The following SERPINB6 variants were observed in gnomAD, a reference collection of about 807,000 sequenced individuals.
The protein encoded by SERPINB6 is serpin B6.
SERPINB6 carries 16 observed loss-of-function variants against 26.1 expected under a neutral mutation model. The ratio of observed to expected loss-of-function variants is 0.61; its 90% CI spans 0.42 to 0.93. The LOEUF (loss-of-function observed/expected upper bound fraction) is 0.93, where lower values mean the gene tolerates loss of function less well. SERPINB6 is among the 40% of genes least tolerant of loss of function. The pLI is 0.00. For synonymous variants in SERPINB6, 174 were observed against 176.6 expected (o/e 0.99, Z 0.11); for missense variants, 420 against 478.0 (o/e 0.88, Z 1.13).
chr6:2,966,869 G>T, intron 1 of SERPINB6: 1 of 860,084 alleles, frequency 1.2e-6, no homozygotes, highest in Non-Finnish European at 1.4e-6. Context: ...GGCCGAGGCT[G>T]GTCCCAAACT....
At position 2,969,768 on chromosome 6, in the gene SERPINB6, ATG is replaced by A. The variant is rs141424938; in HGVS notation, c.-11+1763_-11+1764del. ...CCCTCTGTTTCCTTGTGCAGTGTGT[ATG>A]TGTGTGTGTGTGTGTGTTGTGTGTG... On this transcript the variant is annotated intron_variant, in intron 1 of 6. Coordinates refer to ENST00000380539, the MANE Select transcript of SERPINB6 (RefSeq NM_004568.6). The A allele has an allele frequency of 2.8e-3, 2,622 of 932,112 alleles. 17 individuals carry two copies. Among genetic ancestry groups the A allele is most frequent in the African/African-American group, 0.023 (1,271 of 56,002 alleles). The allele number at this position is 932,112 out of a possible 1,614,324, so 57.7% of individuals were successfully genotyped here. A position where few individuals can be genotyped will look rare whatever the true frequency, so the allele number is the denominator to read the frequency against.
intron 1 of SERPINB6, chr6:2,970,077 A>AT: frequency 3.2e-6 from 3 of 938,636 alleles, no homozygotes; most frequent in East Asian, 2.3e-4. Flanking sequence ...AAAAAAAAAA[A>AT]TTTTCTTTCT....
intron 2 of SERPINB6, chr6:2,958,170 AGAG>A (rs1274696883): frequency 6.6e-6 from 1 of 152,406 alleles, no homozygotes; most frequent in East Asian, 1.9e-4. Flanking sequence ...CCTTATAAAA[AGAG>A]GAGATGAGGA....
At position 2,970,077 on chromosome 6, in the gene SERPINB6, A is replaced by T. The variant is rs1008067690; in HGVS notation, c.-11+1456T>A. ...CCTGGCAAAAAAAAAAAAAAAAAAA[A>T]TTTTCTTTCTTTGGATGCCTTGGCT... On this transcript the variant is annotated intron_variant, in intron 1 of 6. Coordinates refer to ENST00000380539, the MANE Select transcript of SERPINB6 (RefSeq NM_004568.6). The T allele has an allele frequency of 4.1e-4, 382 of 938,582 alleles. 1 individual carries two copies. In the East Asian group the frequency reaches 0.016, roughly 40 times the overall value. 58.1% of individuals were successfully genotyped at this position (938,582 alleles called of 1,614,324 possible). A position where few individuals can be genotyped will look rare whatever the true frequency, so the allele number is the denominator to read the frequency against.
Position 2,948,578 on chromosome 6 carries a change from C to A in SERPINB6, c.851G>T (p.Ser284Ile). 6.2e-7 allele frequency: 1 copy of A among 1,614,226 alleles called. No homozygotes were observed. Among genetic ancestry groups the A allele is most frequent in the Non-Finnish European group, 8.5e-7 (1 of 1,180,032 alleles). The change falls in exon 7 of 7, where the codon AGT (serine) becomes ATT (isoleucine). Residue 284 changes from serine to isoleucine, a missense_variant. Ser to Ile is a moderately radical substitution (Grantham distance 142). Coordinates refer to ENST00000380539, the MANE Select transcript of SERPINB6 (RefSeq NM_004568.6). This position sits in a 1 kb window ranked among gnomAD's most constrained non-coding sequence, Gnocchi z 5.0. ...FKLEESYDME[S>I]VLRNLGMTDA... ...AGTCATGCCCAGGTTGCGCAGGACA[C>A]TCTCCATGTCGTAGCTTTCCTCTAG...
At chr6:2,969,787 T>TGTGG (rs56948847) in intron 1 of SERPINB6, 5 of 962,524 alleles carry the variant, frequency 5.2e-6, no homozygotes, top group Non-Finnish European at 6.2e-6. Context: ...TGTGTGTGTG[T>TGTGG]TGTGTGTGTA....
At chr6:2,953,409 C>T (rs1388503885) in intron 4 of SERPINB6, among the ~76,000 whole-genome samples, 1 of 152,138 alleles carries the variant, frequency 6.6e-6, no homozygotes, top group Middle Eastern at 3.2e-3. Flanking sequence ...AACAAATATG[C>T]GTTAATTATG....
intron 5 of SERPINB6, among the ~76,000 whole-genome samples, chr6:2,952,550 A>G (rs1171188096): frequency 6.6e-6 from 1 of 152,256 alleles, no homozygotes; most frequent in Non-Finnish European, 1.5e-5. Flanking sequence ...TATCCTTACT[A>G]TCAAGAGAGG....
intron 5 of SERPINB6, 79 bp downstream of exon 5, chr6:2,952,965 G>T: frequency 6.3e-7 from 1 of 1,598,288 alleles, no homozygotes; most frequent in Non-Finnish European, 8.5e-7. Context: ...AAGGCCCCAC[G>T]GCTGCAGACG....
At chr6:2,966,967 G>GT in intron 1 of SERPINB6, 1 of 985,454 alleles carries the variant, frequency 1.0e-6, no homozygotes, top group Non-Finnish European at 1.2e-6. Flanking sequence ...GGAAAAAAAT[G>GT]TAAGGCACTT....
At chr6:2,969,264 G>A in intron 1 of SERPINB6, 6 of 985,512 alleles carry the variant, frequency 6.1e-6, no homozygotes, top group Non-Finnish European at 7.2e-6. Context: ...TCACAGTCAC[G>A]TTGCAAACTC....
At chr6:2,959,540 T>G in intron 1 of SERPINB6, 198 bp from the exon 2 acceptor site, 1 of 623,804 alleles carries the variant, frequency 1.6e-6, no homozygotes, top group Non-Finnish European at 2.8e-6. Context: ...AATGAAAGAG[T>G]TCTATGTGAA....
intron 5 of SERPINB6, among the ~76,000 whole-genome samples, chr6:2,951,124 G>A (rs923956444): frequency 6.6e-6 from 1 of 152,204 alleles, no homozygotes; most frequent in Non-Finnish European, 1.5e-5. Context: ...GGTGGCTCAC[G>A]CCTGTAATCC....
At chr6:2,959,091 G>C (rs182269539) in intron 2 of SERPINB6, 77 bp downstream of exon 2, 1 of 1,572,534 alleles carries the variant, frequency 6.4e-7, no homozygotes, top group Non-Finnish European at 8.7e-7. Flanking sequence ...CGTCTCGAGC[G>C]ATCCCTTTGG....
chr6:2,966,666 A>G (rs1001725600), intron 1 of SERPINB6: 1 of 158,414 alleles, frequency 6.3e-6, no homozygotes, highest in African/African-American at 2.4e-5. Flanking sequence ...CAACTTTATC[A>G]GTGGAAAAAC....
rs371532463 is a variant in SERPINB6 at position 2,959,317 on chromosome 6, C to T, written c.16G>A (p.Glu6Lys). The T allele has an allele frequency of 6.2e-6, 10 of 1,614,042 alleles. No homozygotes were observed. Among genetic ancestry groups the T allele is most frequent in the Non-Finnish European group, 8.5e-6 (10 of 1,180,050 alleles). The change falls in exon 2 of 7, where the codon GAA becomes AAA. Residue 6 changes from glutamate to lysine, a missense_variant. Transcript: ENST00000380539. MDVLA[E>K]ANGTFALNLL... is the part of the protein sequence containing the mutation. ...TTTAAGGCAAAGGTGCCATTTGCTTCTGCGAGAACATCCATGATGGCAGAC... is the reference window on the plus strand; with the variant it reads ...TTTAAGGCAAAGGTGCCATTTGCTTTTGCGAGAACATCCATGATGGCAGAC...
At position 2,964,396 on chromosome 6, in the gene SERPINB6, T is replaced by A. The variant is rs148938177; in HGVS notation, c.-10-5054A>T. Among the ~76,000 whole-genome samples the A allele has an allele frequency of 5.7e-3, 870 of 152,168 alleles. 7 individuals are homozygous for A. The highest frequency in any genetic ancestry group is 0.02 in the African/African-American group (815 of 41,504). On this transcript the variant is annotated intron_variant, in intron 1 of 6. Coordinates refer to ENST00000380539, the MANE Select transcript of SERPINB6 (RefSeq NM_004568.6). ...AAAAATCACAGTAATGACATGGGAATACACAAGATTACATTAAAAAAGATA... is the reference window on the plus strand; with the variant it reads ...AAAAATCACAGTAATGACATGGGAAAACACAAGATTACATTAAAAAAGATA...
chr6:2,971,667 G>C (rs541315280), upstream of SERPINB6: 80 of 152,228 alleles, frequency 5.3e-4, no homozygotes, highest in African/African-American at 1.9e-3. Flanking sequence ...CGAAGGGAGA[G>C]GCGGGGCGGG....
rs371649648 is a variant in SERPINB6 at position 2,964,340 on chromosome 6, A to T, written c.-10-4998T>A. Among the ~76,000 whole-genome samples, 54 of 152,334 alleles carry T rather than the reference A, an allele frequency of 3.5e-4. 1 individual carries two copies. In the South Asian group the frequency reaches 0.011, roughly 30 times the overall value. On this transcript the variant is annotated intron_variant, in intron 1 of 6. Transcript: ENST00000380539. Reference sequence around the variant, plus strand: ...TACATAATAAAACATTATGTACAACATTATGGGATATAAATAGGGCTAATA... The same window carrying T: ...TACATAATAAAACATTATGTACAACTTTATGGGATATAAATAGGGCTAATA...
Sources: gnomAD v4.1 joint callset for allele counts (sites outside exome capture counted in the v4.1 genomes callset) on GRCh38, gnomAD v4.1.1 for gene constraint, Gnocchi (gnomAD v3.1) non-coding constraint, MANE v1.5 for transcripts, NCBI Gene and HGNC (gene_info 2026-07-23, HGNC 2026-07-21) for gene names.